The following SMARCAL1 variants were observed in gnomAD, a reference collection of about 807,000 sequenced individuals.
SMARCAL1 encodes ATP-driven annealing helicase.
In SMARCAL1, 58 loss-of-function variants were observed where a neutral mutation model predicts 94.5. The observed-to-expected ratio is 0.61, with a 90% CI of 0.50 to 0.76. The LOEUF (loss-of-function observed/expected upper bound fraction) is 0.76, where lower values mean the gene tolerates loss of function less well. Among genes scored for constraint, SMARCAL1 ranks in the 30% least tolerant of loss-of-function variants. The probability of loss-of-function intolerance (pLI) is 0.00; values close to 1 mark genes in which losing one functional copy is unlikely to be tolerated. For synonymous variants in SMARCAL1, 422 were observed against 455.1 expected, an observed-to-expected ratio of 0.93 and a Z score of 0.93; for missense variants, 1,051 against 1,177.9, an observed-to-expected ratio of 0.89 and a Z score of 1.58.
At chr2:216,431,330 G>A (rs770463082) in intron 7 of SMARCAL1, among the ~76,000 whole-genome samples, 8 of 152,206 alleles carry the variant, frequency 5.3e-5, no homozygotes, top group African/African-American at 1.7e-4. Context: ...CTATCCCAGC[G>A]GCTTATTATC....
chr2:216,456,464 A>G (rs1245662830), intron 12 of SMARCAL1, among the ~76,000 whole-genome samples: 1 of 152,368 alleles, frequency 6.6e-6, no homozygotes, highest in East Asian at 1.9e-4. Context: ...GGTTACCCAC[A>G]AAGGGAAGCC....
intron 5 of SMARCAL1, 72 bp downstream of exon 5, chr2:216,420,604 C>A: frequency 8.4e-7 from 1 of 1,194,220 alleles, no homozygotes; most frequent in Non-Finnish European, 1.2e-6. Context: ...GTGTTTTTCT[C>A]TACCTCGAAT....
rs759257705 is a variant in SMARCAL1 at position 216,482,938 on chromosome 2, A to AT, written c.2832dup (p.Asp945Ter). On this transcript the variant is annotated frameshift_variant, in exon 18 of 18. Transcript: ENST00000357276. LOFTEE classifies it high-confidence loss of function. This position sits in a 1 kb window ranked among gnomAD's most constrained non-coding sequence, Gnocchi z 4.3. Reference sequence around the variant, plus strand: ...GTCCACAGAAGAAAAGGAGATTTGAATTTTTTGATAACTGGGACAGCTTTA... The same window carrying AT: ...GTCCACAGAAGAAAAGGAGATTTGAATTTTTTTGATAACTGGGACAGCTTTA... 2.8e-5 allele frequency: 45 copies of AT among 1,614,110 alleles called. No homozygotes were observed. Among genetic ancestry groups the AT allele is most frequent in the Non-Finnish European group, 3.4e-5 (40 of 1,180,048 alleles).
chr2:216,448,100 A>G (rs1694358733), intron 11 of SMARCAL1, among the ~76,000 whole-genome samples: 1 of 152,240 alleles, frequency 6.6e-6, no homozygotes, highest in East Asian at 1.9e-4. Context: ...AAGTACTTAT[A>G]ATGGAAATTG....
chr2:216,425,532 T>C (rs1191122348), intron 6 of SMARCAL1, among the ~76,000 whole-genome samples: 1 of 152,192 alleles, frequency 6.6e-6, no homozygotes, highest in Non-Finnish European at 1.5e-5. Flanking sequence ...GACAGGAGCA[T>C]GTCACTGCCT....
rs750203364 is a variant in SMARCAL1 at position 216,447,162 on chromosome 2, T to A, written c.1851+4T>A. 1 of 1,613,988 alleles carries A rather than the reference T, an allele frequency of 6.2e-7. No individual in the cohort carries two copies. The highest frequency in any genetic ancestry group is 1.1e-5 in the South Asian group (1 of 91,080). On this transcript the variant is annotated splice_donor_region_variant and intron_variant, in intron 11 of 17. Transcript: ENST00000357276. ...TCGCTACTGTGATGCCAAACGGGTATGTATTATCTCTTCCCTCCCAGCCCA... is the reference window on the plus strand; with the variant it reads ...TCGCTACTGTGATGCCAAACGGGTAAGTATTATCTCTTCCCTCCCAGCCCA...
chr2:216,473,406 T>TGTTCACTCCCTTTTA (rs1422704576), intron 14 of SMARCAL1, among the ~76,000 whole-genome samples: 1 of 151,520 alleles, frequency 6.6e-6, no homozygotes, highest in African/African-American at 2.4e-5. Flanking sequence ...GACCTGCAGA[T>TGTTCACTCCCTTTTA]GTTCACTCCC....
intron 6 of SMARCAL1, chr2:216,427,380 A>G (rs1335810548): frequency 1.3e-5 from 2 of 152,260 alleles, no homozygotes; most frequent in Non-Finnish European, 2.9e-5. Context: ...CCGAAGGAAC[A>G]TAACGCTTAC....
At chr2:216,451,270 A>G in intron 12 of SMARCAL1, 2 of 589,472 alleles carry the variant, frequency 3.4e-6, no homozygotes, top group South Asian at 1.9e-5. Context: ...GTGGTTTTAT[A>G]CTTGTATAGA....
Position 216,415,086 on chromosome 2 carries a change from C to T in SMARCAL1, c.382C>T (p.Gln128Ter). ...CACTGGAATCTCTCCTCCCTTGGCA[C>T]AAAGTCCTCCAGAGGTCCCTAAACA... ...ALTGISPPLA[Q>*]SPPEVPKQQL... The change falls in exon 3 of 18, where the codon CAA (glutamine) becomes TAA (stop). Residue 128 changes from glutamine to a stop codon, truncating the protein, a stop_gained. Transcript: ENST00000357276. LOFTEE classifies it high-confidence loss of function. 6.2e-7 allele frequency: 1 copy of T among 1,614,204 alleles called. No individual in the cohort carries two copies. Among genetic ancestry groups the T allele is most frequent in the Non-Finnish European group, 8.5e-7 (1 of 1,180,024 alleles).
At chr2:216,468,493 C>T (rs1406392382) in intron 14 of SMARCAL1, among the ~76,000 whole-genome samples, 1 of 152,156 alleles carries the variant, frequency 6.6e-6, no homozygotes, top group Non-Finnish European at 1.5e-5. Context: ...TTTTATGGCT[C>T]TCCTGAAATT....
intron 5 of SMARCAL1, among the ~76,000 whole-genome samples, chr2:216,421,450 A>C (rs1355289306): frequency 1.3e-5 from 2 of 152,214 alleles, no homozygotes; most frequent in South Asian, 2.1e-4. Flanking sequence ...GGCACCTGCC[A>C]CCACACTGGG....
intron 5 of SMARCAL1, among the ~76,000 whole-genome samples, chr2:216,421,173 C>T (rs1313972727): frequency 2.0e-5 from 3 of 152,002 alleles, no homozygotes; most frequent in Non-Finnish European, 2.9e-5. Context: ...TTTATTTTGT[C>T]GGAGGTGGGG....
Position 216,420,324 on chromosome 2 carries a change from G to C in SMARCAL1, c.888G>C (p.Thr296=). 6.2e-7 allele frequency: 1 copy of C among 1,614,018 alleles called. No individual in the cohort carries two copies. The highest frequency in any genetic ancestry group is 8.5e-7 in the Non-Finnish European group (1 of 1,179,994). ...ALMKAAQSLP[T]VNLQPLEWAY... is the part of the protein sequence containing the mutation. ...TGAAAGCAGCCCAGAGCCTCCCCAC[G>C]GTCAACCTGCAGCCTCTGGAATGGG... Residue 296 remains threonine (T), a synonymous_variant, in exon 5 of 18, where the codon ACG becomes ACC. Coordinates refer to ENST00000357276, the MANE Select transcript of SMARCAL1 (RefSeq NM_014140.4).
rs767891287 is a variant in SMARCAL1, at chr2:216,432,774, A to G, written c.1391A>G (p.Lys464Arg). Residue 464 changes from lysine (K) to arginine (R), a missense_variant, in exon 8 of 18, where the codon AAG (lysine) becomes AGG (arginine). Lys to Arg is a conservative substitution (Grantham distance 26). Around this residue, in one of 3 missense-constraint regions of SMARCAL1, gnomAD observed 642 missense variants for 754.7 expected, o/e 0.85. Transcript: ENST00000357276. ...LLLADDMGLG[K>R]TIQAICIAAF... ...CTCGCTGACGACATGGGCCTGGGGA[A>G]GACCATCCAAGCCATCTGCATCGCA... is the stretch of plus-strand genomic sequence containing the variant. 2 of 1,614,208 alleles carry G rather than the reference A, an allele frequency of 1.2e-6. No homozygotes were observed. The highest frequency in any genetic ancestry group is 1.7e-6 in the Non-Finnish European group (2 of 1,180,026).
chr2:216,429,277 G>C (rs186175496), intron 7 of SMARCAL1, among the ~76,000 whole-genome samples: 381 of 152,290 alleles, frequency 2.5e-3, no homozygotes, highest in Non-Finnish European at 4.6e-3. Context: ...ACCAATGTTG[G>C]AGCCAGTCTT....
chr2:216,455,881 T>C (rs1694553565), intron 12 of SMARCAL1, among the ~76,000 whole-genome samples: 1 of 152,202 alleles, frequency 6.6e-6, no homozygotes, highest in South Asian at 2.1e-4. Flanking sequence ...AGAAGAAGGC[T>C]TCAGATGATC....
rs1693768882 is a variant in SMARCAL1 at position 216,423,524 on chromosome 2, T to G, written c.1097-109T>G. The G allele has an allele frequency of 6.5e-6, 6 of 920,634 alleles. No homozygotes were observed. In the Admixed American group the frequency reaches 1.0e-4, roughly 16 times the overall value. The allele number at this position is 920,634 out of a possible 1,614,324, so 57.0% of individuals were successfully genotyped here. A position where few individuals can be genotyped will look rare whatever the true frequency, so the allele number is the denominator to read the frequency against. On this transcript the variant is annotated intron_variant, in intron 5 of 17. Coordinates refer to ENST00000357276, the MANE Select transcript of SMARCAL1 (RefSeq NM_014140.4). The stretch of plus-strand genomic sequence containing the variant: ...CTAGGTACAGGACCAGCTGCCACAT[T>G]GTCTAAGCTGAATGGAAGTTTATGA...
intron 12 of SMARCAL1, among the ~76,000 whole-genome samples, chr2:216,452,142 A>T (rs970493650): frequency 2.0e-5 from 3 of 152,220 alleles, no homozygotes; most frequent in African/African-American, 7.2e-5. Flanking sequence ...AGCAGGCATC[A>T]TCTCTTTATT....
Sources: gnomAD v4.1 joint callset for allele counts (sites outside exome capture counted in the v4.1 genomes callset) on GRCh38, gnomAD v4.1.1 for gene constraint, gnomAD v4.1.1 regional missense constraint, Gnocchi (gnomAD v3.1) non-coding constraint, MANE v1.5 for transcripts, NCBI Gene and HGNC (gene_info 2026-07-23, HGNC 2026-07-21) for gene names.